The following CELA1 variants were observed in gnomAD, a reference collection of about 807,000 sequenced individuals.
CELA1 encodes the protein chymotrypsin-like elastase family member 1.
In CELA1, 28 loss-of-function variants were observed where a neutral mutation model predicts 34.8. The observed-to-expected ratio is 0.80, with a 90% CI of 0.60 to 1.10. The LOEUF is 1.10. Ranked by LOEUF, CELA1 falls within the 50% of genes least tolerant of loss-of-function variation. The pLI is 0.00. For synonymous variants in CELA1, 140 were observed against 129.8 expected, an observed-to-expected ratio of 1.08 and a Z score of -0.53; for missense variants, 288 against 327.5, an observed-to-expected ratio of 0.88 and a Z score of 0.93.
At chr12:51,345,689 G>T in intron 2 of CELA1, 106 bp downstream of exon 2, 2 of 855,440 alleles carry the variant, frequency 2.3e-6, no homozygotes, top group Non-Finnish European at 3.9e-6. Flanking sequence ...CTAGACAATT[G>T]GAGAGCTGCT....
Position 51,341,229 on chromosome 12 carries a change from A to G in CELA1, c.463+15T>C, listed in dbSNP as rs1319135390. 4.3e-6 allele frequency: 7 copies of G among 1,613,804 alleles called. No individual in the cohort carries two copies. The highest frequency in any genetic ancestry group is 1.6e-4 in the Middle Eastern group (1 of 6,084). ...AAGATCCCCGTGGTGGATTGTGCCA[A>G]TGTAGGCAACTTACTCTTGGTCTTG... On this transcript the variant is annotated intron_variant, in intron 5 of 7. Transcript: ENST00000293636.
At chr12:51,329,887 G>T in intron 6 of CELA1, 54 bp from the exon 7 acceptor site, 5 of 1,505,382 alleles carry the variant, frequency 3.3e-6, no homozygotes, top group Non-Finnish European at 3.6e-6. Flanking sequence ...GCTTTTGCTT[G>T]CACTCCCCCC....
At position 51,345,720 on chromosome 12, in the gene CELA1, A is replaced by G; in HGVS notation, c.99+75T>C. 3.8e-6 allele frequency: 4 copies of G among 1,058,862 alleles called. No homozygotes were observed. In the Admixed American group the frequency reaches 7.9e-5, roughly 21 times the overall value. 65.6% of individuals were successfully genotyped at this position (1,058,862 alleles called of 1,614,324 possible). On this transcript the variant is annotated intron_variant, in intron 2 of 7. Coordinates refer to ENST00000293636, the MANE Select transcript of CELA1 (RefSeq NM_001971.6). ...CTGCTTGTTGATAGGGACATGCACA[A>G]ATACACATGATACCTTATGTCATGC...
At chr12:51,341,082 C>T (rs1227025982) in intron 5 of CELA1, among the ~76,000 whole-genome samples, 162 bp downstream of exon 5, 2 of 152,174 alleles carry the variant, frequency 1.3e-5, no homozygotes, top group East Asian at 3.8e-4. Flanking sequence ...TACTTCACAG[C>T]CCATTCTTAG....
Position 51,336,745 on chromosome 12 carries a change from A to G in CELA1, c.609+3115T>C, listed in dbSNP as rs114780823. ...ATCATCTTCTCTCTCAAACTCTGTA[A>G]ATCTTGTCTCAGGGCAACAGTGCCC... On this transcript the variant is annotated intron_variant, in intron 6 of 7. Transcript: ENST00000293636. Among the ~76,000 whole-genome samples the G allele has an allele frequency of 5.0e-3, 756 of 152,326 alleles. 5 individuals carry two copies. Among genetic ancestry groups the G allele is most frequent in the African/African-American group, 0.017 (698 of 41,580 alleles).
intron 6 of CELA1, among the ~76,000 whole-genome samples, chr12:51,332,040 C>T (rs1946472994): frequency 6.6e-6 from 1 of 151,814 alleles, no homozygotes; most frequent in African/African-American, 2.4e-5. Context: ...AAAAAATCAG[C>T]TGAGTGTGGT....
At chr12:51,338,931 G>A (rs1039630366) in intron 6 of CELA1, among the ~76,000 whole-genome samples, 18 of 151,946 alleles carry the variant, frequency 1.2e-4, no homozygotes, top group African/African-American at 4.4e-4. Flanking sequence ...GGGCCACAAA[G>A]CAAGACCCCA....
chr12:51,343,575 C>T (rs1262003998), intron 3 of CELA1, among the ~76,000 whole-genome samples, 178 bp downstream of exon 3: 1 of 152,214 alleles, frequency 6.6e-6, no homozygotes, highest in Non-Finnish European at 1.5e-5. Flanking sequence ...ATTTGAGTCT[C>T]CCTGACTCCA....
Position 51,329,277 on chromosome 12 carries a change from A to G in CELA1, c.759+407T>C, listed in dbSNP as rs1013196135. Among the ~76,000 whole-genome samples the G allele has an allele frequency of 2.7e-5, 4 of 147,428 alleles. No homozygotes were observed. The East Asian group carries it at 8.0e-4, about 30-fold the overall frequency. Reference sequence around the variant, plus strand: ...TCAAAAAAAAAAAAAAAAAAAAGTTAGAGCAAATTATCATAATGTCCTTAG... The same window carrying G: ...TCAAAAAAAAAAAAAAAAAAAAGTTGGAGCAAATTATCATAATGTCCTTAG... On this transcript the variant is annotated intron_variant, in intron 7 of 7. Transcript: ENST00000293636.
chr12:51,341,341 G>A lies in CELA1; in HGVS notation c.366C>T (p.Thr122=), dbSNP rs1946533490. 1 of 1,614,148 alleles carries A rather than the reference G, an allele frequency of 6.2e-7. No individual in the cohort carries two copies. The change falls in exon 5 of 8, where the codon ACC becomes ACT. Residue 122 remains threonine, a synonymous_variant. Transcript: ENST00000293636. ...CACCCAGCTGGACATAGCTATTGAGGGTAACGCTCTGGGCCAGGCGCAGCA... is the reference window on the plus strand; with the variant it reads ...CACCCAGCTGGACATAGCTATTGAGAGTAACGCTCTGGGCCAGGCGCAGCA... The part of the protein sequence containing the change: ...IALLRLAQSV[T]LNSYVQLGVL...
chr12:51,344,257 C>T (rs17860298), intron 2 of CELA1, among the ~76,000 whole-genome samples: 3,229 of 152,212 alleles, frequency 0.021, 114 homozygotes, highest in African/African-American at 0.074. Context: ...TGCTCCATCG[C>T]TTGGTGATGT....
At chr12:51,340,225 C>G (rs1315642452) in intron 5 of CELA1, among the ~76,000 whole-genome samples, 1 of 152,084 alleles carries the variant, frequency 6.6e-6, no homozygotes, top group East Asian at 1.9e-4. Context: ...TACCTAGGCT[C>G]CAAGCCACCA....
At chr12:51,345,522 G>A (rs545106456) in intron 2 of CELA1, among the ~76,000 whole-genome samples, 35 of 152,202 alleles carry the variant, frequency 2.3e-4, no homozygotes, top group African/African-American at 7.7e-4. Context: ...TCTTTCTTGC[G>A]TGGCACAAGT....
intron 2 of CELA1, among the ~76,000 whole-genome samples, chr12:51,344,622 T>G (rs995157374): frequency 9.5e-5 from 14 of 146,782 alleles, no homozygotes; most frequent in African/African-American, 3.5e-4. Context: ...ACCCAGGAGG[T>G]GGAGGTTACA....
chr12:51,336,731 T>C (rs1946501458), intron 6 of CELA1, among the ~76,000 whole-genome samples: 1 of 152,196 alleles, frequency 6.6e-6, no homozygotes, highest in African/African-American at 2.4e-5. Context: ...TCATCTTCTC[T>C]CTCAAACTCT....
rs774890549 is a variant in CELA1, at chr12:51,329,689, T to G, written c.754A>C (p.Asn252His). ...TQVSAYISWI[N>H]NVIASN is the part of the protein sequence containing the mutation. ...CATCATTTGAGAGGACTCACATTAT[T>G]TATCCAGGAGATGTAAGCAGAGACC... Residue 252 changes from asparagine (N) to histidine (H), a missense_variant, in exon 7 of 8, where the codon AAT (asparagine) becomes CAT (histidine). Asn to His is a moderately conservative substitution (Grantham distance 68). Transcript: ENST00000293636. 3 of 1,609,440 alleles carry G rather than the reference T, an allele frequency of 1.9e-6. No individual in the cohort carries two copies. The South Asian group carries it at 3.3e-5, about 18-fold the overall frequency.
intron 3 of CELA1, among the ~76,000 whole-genome samples, chr12:51,343,187 A>G (rs375853035): frequency 3.7e-4 from 57 of 152,244 alleles, no homozygotes; most frequent in African/African-American, 1.3e-3. Flanking sequence ...CAAGATTTTG[A>G]AGGAAGCATA....
intron 6 of CELA1, among the ~76,000 whole-genome samples, chr12:51,335,712 C>A (rs1397398069): frequency 6.6e-6 from 1 of 151,484 alleles, no homozygotes; most frequent in Admixed American, 6.6e-5. Context: ...TCATAGCTCA[C>A]TGCAGCCTCG....
chr12:51,340,388 CTTTTTT>C (rs11315182), intron 5 of CELA1, among the ~76,000 whole-genome samples: 2 of 121,540 alleles, frequency 1.6e-5, no homozygotes, highest in South Asian at 5.4e-4. Context: ...TTCTTTCTTT[CTTTTTT>C]TTTTTTTTTT....
Sources: gnomAD v4.1 joint callset for allele counts (sites outside exome capture counted in the v4.1 genomes callset) on GRCh38, gnomAD v4.1.1 for gene constraint, MANE v1.5 for transcripts, NCBI Gene and HGNC (gene_info 2026-07-23, HGNC 2026-07-21) for gene names.